The following TTC28 variants were observed in gnomAD, a reference collection of about 807,000 sequenced individuals.
The protein encoded by TTC28 is tetratricopeptide repeat protein 28.
Under a neutral mutation model 198.0 loss-of-function variants are expected in TTC28, and 61 were observed. That is an observed-to-expected ratio of 0.31 (90% CI 0.25 to 0.38). The LOEUF is 0.38. Among genes scored for constraint, TTC28 ranks in the 10% least tolerant of loss-of-function variants. The pLI, the probability that TTC28 is intolerant of heterozygous loss-of-function variation, is 1.00. For synonymous variants in TTC28, 1,171 were observed against 1,297.8 expected (o/e 0.90, Z 2.10); for missense variants, 2,678 against 3,164.0 (o/e 0.85, Z 3.69).
chr22:27,997,811 CTG>C lies in TTC28; in HGVS notation c.5119+727_5119+728del, dbSNP rs1476076590. The C allele has an allele frequency of 2.0e-5, 3 of 152,512 alleles. No homozygotes were observed. The East Asian group carries it at 5.8e-4, about 29-fold the overall frequency. 9.4% of individuals were successfully genotyped at this position (152,512 alleles called of 1,614,324 possible). On this transcript the variant is annotated intron_variant, in intron 16 of 22. Coordinates refer to ENST00000397906, the MANE Select transcript of TTC28 (RefSeq NM_001145418.2). Reference sequence around the variant, plus strand: ...ACAGGCCCAGGGTTTGGTTTGTACTCTGTGAGTCTTGGCCTGGCAGGGTTTCC... The same window carrying C: ...ACAGGCCCAGGGTTTGGTTTGTACTCTGAGTCTTGGCCTGGCAGGGTTTCC...
At chr22:28,362,548 G>T (rs1189982445) in intron 2 of TTC28, among the ~76,000 whole-genome samples, 1 of 152,198 alleles carries the variant, frequency 6.6e-6, no homozygotes, top group Admixed American at 6.5e-5. Flanking sequence ...TTAGAACTGG[G>T]TAACAGGCAG....
chr22:28,333,273 GGA>G (rs2045645523), intron 2 of TTC28, among the ~76,000 whole-genome samples: 1 of 151,870 alleles, frequency 6.6e-6, no homozygotes, highest in South Asian at 2.1e-4. Context: ...AAACAAAAAG[GGA>G]GGTTAAGAAA....
intron 5 of TTC28, among the ~76,000 whole-genome samples, chr22:28,234,436 G>A (rs1290614578): frequency 2.6e-5 from 4 of 151,152 alleles, no homozygotes; most frequent in South Asian, 2.1e-4. Flanking sequence ...ACAGTGGCAC[G>A]ATCTCAGCTC....
At chr22:28,154,496 G>A (rs911782246) in intron 6 of TTC28, among the ~76,000 whole-genome samples, 4 of 151,750 alleles carry the variant, frequency 2.6e-5, no homozygotes, top group East Asian at 1.9e-4. Flanking sequence ...GACTACAGGC[G>A]CCTGCCGCCA....
intron 2 of TTC28, among the ~76,000 whole-genome samples, chr22:28,567,113 G>T (rs771826543): frequency 6.6e-6 from 1 of 151,778 alleles, no homozygotes; most frequent in African/African-American, 2.4e-5. Context: ...TACTTGGGAG[G>T]CTGAGGCAAG....
In TTC28 at chr22:28,159,658, C is replaced by CAA. The variant is rs135652; in HGVS notation, c.1441+3432_1441+3433dup. ...TGGGTGACAAAGTGAGACTCTGTCT[C>CAA]AAAAAAAAAAAAAAAAAAATAGAGC... On this transcript the variant is annotated intron_variant, in intron 6 of 22. Transcript: ENST00000397906. Among the ~76,000 whole-genome samples the CAA allele has an allele frequency of 5.1e-3, 354 of 70,042 alleles. 8 individuals carry two copies. In the South Asian group the frequency reaches 0.074, roughly 15 times the overall value. The allele number at this position is 70,042 out of a possible 152,430, so 46.0% of individuals were successfully genotyped here.
chr22:28,413,538 G>C (rs1453844362), intron 2 of TTC28, among the ~76,000 whole-genome samples: 1 of 152,038 alleles, frequency 6.6e-6, no homozygotes, highest in Non-Finnish European at 1.5e-5. Flanking sequence ...ATGTTGCGAC[G>C]AACTCTGGTA....
intron 2 of TTC28, among the ~76,000 whole-genome samples, chr22:28,420,963 T>G (rs973506766): frequency 5.3e-5 from 8 of 152,206 alleles, no homozygotes; most frequent in African/African-American, 1.7e-4. Flanking sequence ...ATGTCTTCCC[T>G]CTTTTTGCAA....
chr22:28,634,739 CA>C (rs574863485), intron 1 of TTC28, among the ~76,000 whole-genome samples: 7 of 151,730 alleles, frequency 4.6e-5, no homozygotes, highest in African/African-American at 1.7e-4. Context: ...TGTGCACCAC[CA>C]CACCCAGCCA....
chr22:28,320,647 C>G (rs921465725), intron 2 of TTC28, among the ~76,000 whole-genome samples: 3 of 152,114 alleles, frequency 2.0e-5, no homozygotes, highest in African/African-American at 7.2e-5. Context: ...AAAAGAGTAG[C>G]TGATACATGA....
intron 2 of TTC28, among the ~76,000 whole-genome samples, chr22:28,606,258 CTTTTT>C (rs1285903174): frequency 6.6e-6 from 1 of 151,658 alleles, no homozygotes; most frequent in African/African-American, 2.4e-5. Context: ...TTTTTCTTTT[CTTTTT>C]TATCTTTAGT....
At chr22:28,310,132 C>G (rs1055562384) in intron 2 of TTC28, among the ~76,000 whole-genome samples, 1 of 122,266 alleles carries the variant, frequency 8.2e-6, no homozygotes, top group African/African-American at 3.2e-5. Context: ...CACTGTGACA[C>G]ATAACACACA....
intron 2 of TTC28, among the ~76,000 whole-genome samples, chr22:28,460,847 C>T (rs2047940157): frequency 6.6e-6 from 1 of 152,072 alleles, no homozygotes. Flanking sequence ...CCACACCTGA[C>T]TAATTTGTAA....
chr22:28,427,769 C>CAA (rs538159366), intron 2 of TTC28, among the ~76,000 whole-genome samples: 7 of 142,614 alleles, frequency 4.9e-5, no homozygotes, highest in Admixed American at 1.4e-4. Context: ...TTTATGTTAT[C>CAA]AAAAAAAAAA....
chr22:28,388,518 C>T (rs578087592), intron 2 of TTC28, among the ~76,000 whole-genome samples: 7 of 152,242 alleles, frequency 4.6e-5, no homozygotes, highest in African/African-American at 1.7e-4. Context: ...TCTTTTATTT[C>T]CTTGAGCAGT....
At chr22:28,453,660 C>T (rs957382614) in intron 2 of TTC28, among the ~76,000 whole-genome samples, 8 of 152,196 alleles carry the variant, frequency 5.3e-5, no homozygotes, top group African/African-American at 1.9e-4. Context: ...AAGTCCTCAG[C>T]TCTCTCCCAA....
At chr22:28,252,113 C>T (rs1158930757) in intron 5 of TTC28, among the ~76,000 whole-genome samples, 1 of 152,082 alleles carries the variant, frequency 6.6e-6, no homozygotes, top group African/African-American at 2.4e-5. Context: ...CAGCCCTGGG[C>T]CAATATGGAA....
chr22:28,116,265 A>G (rs1942627503), intron 6 of TTC28, among the ~76,000 whole-genome samples: 1 of 152,206 alleles, frequency 6.6e-6, no homozygotes, highest in African/African-American at 2.4e-5. Flanking sequence ...ATACTTAAAG[A>G]CTAAGACTGC....
At chr22:28,419,670 C>T (rs151338494) in intron 2 of TTC28, among the ~76,000 whole-genome samples, 2 of 152,306 alleles carry the variant, frequency 1.3e-5, no homozygotes, top group African/African-American at 4.8e-5. Flanking sequence ...TGTCTACATG[C>T]TAATTAAACT....
Sources: gnomAD v4.1 joint callset for allele counts (sites outside exome capture counted in the v4.1 genomes callset) on GRCh38, gnomAD v4.1.1 for gene constraint, MANE v1.5 for transcripts, NCBI Gene and HGNC (gene_info 2026-07-23, HGNC 2026-07-21) for gene names.